The following RWDD1 variants were observed in gnomAD, a reference collection of about 807,000 sequenced individuals.
The protein encoded by RWDD1 is RWD domain-containing protein 1.
RWDD1 carries 17 observed loss-of-function variants against 31.6 expected under a neutral mutation model. The observed-to-expected ratio is 0.54, with a 90% CI of 0.37 to 0.81. The LOEUF (loss-of-function observed/expected upper bound fraction) is 0.81, where lower values mean the gene tolerates loss of function less well. Ranked by LOEUF, RWDD1 falls within the 30% of genes least tolerant of loss-of-function variation. The pLI is 0.00. For missense variants in RWDD1, 204 were observed against 274.5 expected (o/e 0.74, Z 1.82); for synonymous variants, 78 against 94.2 (o/e 0.83, Z 0.99).
intron 2 of RWDD1, among the ~76,000 whole-genome samples, chr6:116,583,849 T>C (rs1190630517): frequency 6.6e-6 from 1 of 152,206 alleles, no homozygotes; most frequent in Non-Finnish European, 1.5e-5. Context: ...CTTGTTAATA[T>C]CATAACATGA....
chr6:116,591,089 T>G, intron 6 of RWDD1, 139 bp downstream of exon 6: 1 of 1,103,510 alleles, frequency 9.1e-7, no homozygotes, highest in Non-Finnish European at 1.2e-6. Context: ...AGTGAGACCC[T>G]GACTCTATTA....
chr6:116,572,778 T>C (rs977571051), intron 1 of RWDD1: 6 of 888,792 alleles, frequency 6.8e-6, no homozygotes, highest in African/African-American at 3.6e-5. Context: ...CTCCCTTTCA[T>C]TGTTTAGCTT....
At chr6:116,582,961 T>C (rs1040875710) in intron 2 of RWDD1, among the ~76,000 whole-genome samples, 1 of 151,376 alleles carries the variant, frequency 6.6e-6, no homozygotes, top group Non-Finnish European at 1.5e-5. Flanking sequence ...TCTTTTTTTT[T>C]TTTTTTAATT....
intron 2 of RWDD1, 112 bp downstream of exon 2, chr6:116,580,472 A>C: frequency 1.6e-6 from 1 of 643,614 alleles, no homozygotes; most frequent in African/African-American, 1.8e-5. Context: ...GGCTGTTACG[A>C]ATCTGCTATG....
chr6:116,572,278 A>G (rs879751560), intron 1 of RWDD1: 1 of 152,336 alleles, frequency 6.6e-6, no homozygotes, highest in African/African-American at 2.4e-5. Flanking sequence ...AACATCATCT[A>G]TCCTGGGGCT....
In RWDD1 at chr6:116,594,613, T is replaced by C. The variant is rs1407816034; in HGVS notation, c.*1512T>C. On this transcript the variant is annotated 3_prime_UTR_variant, in exon 7 of 7. Transcript: ENST00000466444. ...GAAGGAGTTTGAATTTTGGGGATCG[T>C]ACATTGTCTGCAAGAGAAACACATT... 6.6e-6 allele frequency: 1 copy of C among 152,222 alleles called. No individual in the cohort carries two copies. Among genetic ancestry groups the C allele is most frequent in the African/African-American group, 2.4e-5 (1 of 41,458 alleles). The allele number at this position is 152,222 out of a possible 1,614,324, so 9.4% of individuals were successfully genotyped here.
At chr6:116,585,660 G>A (rs772272298) in intron 3 of RWDD1, among the ~76,000 whole-genome samples, 64 of 152,250 alleles carry the variant, frequency 4.2e-4, no homozygotes, top group South Asian at 1.9e-3. Context: ...TAATGTTGAT[G>A]TTATAGAAAT....
chr6:116,573,441 T>C (rs1774783584), intron 1 of RWDD1, among the ~76,000 whole-genome samples: 1 of 152,154 alleles, frequency 6.6e-6, no homozygotes, highest in Non-Finnish European at 1.5e-5. Context: ...TGTCTCTAAC[T>C]CCTGTCAACA....
chr6:116,586,594 TAATC>T (rs1263466370), intron 3 of RWDD1, among the ~76,000 whole-genome samples: 3 of 152,192 alleles, frequency 2.0e-5, no homozygotes, highest in Non-Finnish European at 2.9e-5. Flanking sequence ...AATTAACAAA[TAATC>T]AAGAATTAGT....
chr6:116,579,375 A>G (rs1774909931), intron 1 of RWDD1, among the ~76,000 whole-genome samples: 1 of 152,254 alleles, frequency 6.6e-6, no homozygotes, highest in Admixed American at 6.5e-5. Context: ...TCATAGGCTT[A>G]GCAGCCATCC....
intron 3 of RWDD1, among the ~76,000 whole-genome samples, chr6:116,585,166 A>C (rs1395091550): frequency 6.6e-6 from 1 of 152,144 alleles, no homozygotes; most frequent in Admixed American, 6.6e-5. Flanking sequence ...GGTTTTTAGA[A>C]TGCCTAGTCC....
chr6:116,588,949 GAAAC>G lies in RWDD1; in HGVS notation c.382_385del (p.Gln128LysfsTer24), dbSNP rs753908284. 5.6e-6 allele frequency: 8 copies of G among 1,431,740 alleles called. No individual in the cohort carries two copies. The highest frequency in any genetic ancestry group is 5.2e-5 in the East Asian group (2 of 38,218). 88.7% of individuals were successfully genotyped at this position (1,431,740 alleles called of 1,614,324 possible). ...TAAAAACTAGAAGAGAAGAAGAAAAGAAACAAAAAGAAAAAGAAGCAGAAGAAGC... is the reference window on the plus strand; with the variant it reads ...TAAAAACTAGAAGAGAAGAAGAAAAGAAAAAGAAAAAGAAGCAGAAGAAGC... On this transcript the variant is annotated frameshift_variant, in exon 4 of 7. Transcript: ENST00000466444. LOFTEE classifies it high-confidence loss of function.
rs760623127 is a variant in RWDD1 at position 116,580,335 on chromosome 6, G to A, written c.114G>A (p.Thr38=). The A allele has an allele frequency of 6.2e-6, 10 of 1,601,568 alleles. No individual in the cohort carries two copies. The highest frequency in any genetic ancestry group is 3.4e-5 in the Admixed American group (2 of 59,228). ...CACCCAGCTTCACCATTACTGTGAC[G>A]TCTGAGGCTGGAGAAAATGATGAAA... ...ENPPSFTITV[T]SEAGENDETV... is the part of the protein sequence containing the mutation. The change falls in exon 2 of 7, where the codon ACG becomes ACA. Residue 38 remains threonine (T), a synonymous_variant. Transcript: ENST00000466444.
chr6:116,586,522 A>G (rs937280448), intron 3 of RWDD1, among the ~76,000 whole-genome samples: 2 of 152,146 alleles, frequency 1.3e-5, no homozygotes, highest in Non-Finnish European at 2.9e-5. Context: ...TTGTATGTAT[A>G]TATAATTACT....
chr6:116,574,526 T>A (rs1475607415), intron 1 of RWDD1, among the ~76,000 whole-genome samples: 1 of 152,214 alleles, frequency 6.6e-6, no homozygotes, highest in African/African-American at 2.4e-5. Flanking sequence ...GTGTATCTCT[T>A]AATGTACCTT....
chr6:116,586,255 TGAA>T (rs748973270), intron 3 of RWDD1, among the ~76,000 whole-genome samples: 3 of 152,072 alleles, frequency 2.0e-5, no homozygotes, highest in Non-Finnish European at 4.4e-5. Context: ...CAAAAAATCA[TGAA>T]GAAGAAGAAA....
Position 116,593,186 on chromosome 6 carries a change from T to G in RWDD1, c.*85T>G, listed in dbSNP as rs943914038. The G allele has an allele frequency of 7.3e-5, 97 of 1,325,766 alleles. No individual in the cohort carries two copies. Among genetic ancestry groups the G allele is most frequent in the Middle Eastern group, 1.9e-4 (1 of 5,192 alleles). 82.1% of individuals were successfully genotyped at this position (1,325,766 alleles called of 1,614,324 possible). ...GGGTTATGATTTTCCTTTCTTTTTT[T>G]CTAAGAAAAAATTATTTTCAGGAGA... On this transcript the variant is annotated 3_prime_UTR_variant, in exon 7 of 7. Coordinates refer to ENST00000466444, the MANE Select transcript of RWDD1 (RefSeq NM_015952.4).
intron 1 of RWDD1, among the ~76,000 whole-genome samples, chr6:116,580,027 A>G (rs919104132): frequency 6.6e-6 from 1 of 152,160 alleles, no homozygotes; most frequent in Non-Finnish European, 1.5e-5. Flanking sequence ...ATAAACGGTA[A>G]ACTACCTCAT....
At chr6:116,584,214 GTTAAAAGTTTCCCATATAACC>G (rs1774998551) in intron 2 of RWDD1, among the ~76,000 whole-genome samples, 2 of 152,196 alleles carry the variant, frequency 1.3e-5, no homozygotes, top group South Asian at 4.1e-4. Flanking sequence ...GATGAATTAG[GTTAAAAGTTTCCCATATAACC>G]TTTTATACTC....
Sources: gnomAD v4.1 joint callset for allele counts (sites outside exome capture counted in the v4.1 genomes callset) on GRCh38, gnomAD v4.1.1 for gene constraint, MANE v1.5 for transcripts, NCBI Gene and HGNC (gene_info 2026-07-23, HGNC 2026-07-21) for gene names.